The following RAB3IP variants were observed in gnomAD, a reference collection of about 807,000 sequenced individuals.
RAB3IP encodes the protein RAB3A interacting protein, also known as rab-3A-interacting protein.
A neutral mutation model predicts 59.1 loss-of-function variants in RAB3IP; 36 were observed. The observed-to-expected ratio is 0.61, with a 90% CI of 0.47 to 0.80. The LOEUF (loss-of-function observed/expected upper bound fraction) is 0.80, where lower values mean the gene tolerates loss of function less well. Ranked by LOEUF, RAB3IP falls within the 30% of genes least tolerant of loss-of-function variation. The pLI is 0.00. For missense variants in RAB3IP, 511 were observed against 536.0 expected, an observed-to-expected ratio of 0.95 and a Z score of 0.46; for synonymous variants, 207 against 191.2, an observed-to-expected ratio of 1.08 and a Z score of -0.68.
chr12:69,779,382 G>A (rs1363353402), intron 3 of RAB3IP, among the ~76,000 whole-genome samples: 1 of 151,286 alleles, frequency 6.6e-6, no homozygotes, highest in Non-Finnish European at 1.5e-5. Flanking sequence ...CTTCTGCGTC[G>A]CTCACGCTGG....
At chr12:69,749,336 T>A (rs988347212) in intron 1 of RAB3IP, among the ~76,000 whole-genome samples, 7 of 152,222 alleles carry the variant, frequency 4.6e-5, no homozygotes, top group Admixed American at 1.3e-4. Flanking sequence ...AACAGTTTCA[T>A]CCCGAAACCA....
intron 8 of RAB3IP, among the ~76,000 whole-genome samples, chr12:69,803,563 T>A (rs542134166): frequency 1.7e-3 from 257 of 152,162 alleles, no homozygotes; most frequent in African/African-American, 6.1e-3. Flanking sequence ...TTGTTACATA[T>A]GTATACATGG....
chr12:69,784,274 A>G (rs1027046164), intron 3 of RAB3IP, among the ~76,000 whole-genome samples: 16 of 152,132 alleles, frequency 1.1e-4, no homozygotes, highest in African/African-American at 3.6e-4. Context: ...TAGTTGCAGT[A>G]TGGTACATGA....
chr12:69,742,772 C>G (rs1239312251), intron 1 of RAB3IP, among the ~76,000 whole-genome samples: 1 of 152,202 alleles, frequency 6.6e-6, no homozygotes, highest in Non-Finnish European at 1.5e-5. Context: ...CTTGCTATCT[C>G]TATTTTCCCT....
intron 3 of RAB3IP, among the ~76,000 whole-genome samples, chr12:69,783,499 C>T (rs1324257262): frequency 6.6e-6 from 1 of 152,132 alleles, no homozygotes; most frequent in Non-Finnish European, 1.5e-5. Context: ...TAGGGTGAGA[C>T]TCCGTCCTTC....
intron 1 of RAB3IP, among the ~76,000 whole-genome samples, chr12:69,747,785 G>C (rs1382754532): frequency 3.9e-5 from 6 of 152,102 alleles, no homozygotes; most frequent in African/African-American, 1.4e-4. Context: ...TATCTACCAG[G>C]ATTATTTGAT....
chr12:69,749,101 A>G (rs1012718417), intron 1 of RAB3IP, among the ~76,000 whole-genome samples: 3 of 152,228 alleles, frequency 2.0e-5, no homozygotes, highest in African/African-American at 7.2e-5. Flanking sequence ...CTGTGGACCT[A>G]AAGTGGTCTG....
chr12:69,751,278 A>G (rs963906206), intron 1 of RAB3IP, among the ~76,000 whole-genome samples: 2 of 152,158 alleles, frequency 1.3e-5, no homozygotes, highest in African/African-American at 2.4e-5. Context: ...ATATCAGTCC[A>G]GTAGTTTTTG....
intron 10 of RAB3IP, among the ~76,000 whole-genome samples, chr12:69,814,173 A>G (rs1880847600): frequency 6.6e-6 from 1 of 152,192 alleles, no homozygotes; most frequent in Non-Finnish European, 1.5e-5. Context: ...AATTTATGTT[A>G]AGTATAATTG....
intron 8 of RAB3IP, among the ~76,000 whole-genome samples, chr12:69,806,829 G>T (rs530042925): frequency 6.6e-6 from 1 of 152,134 alleles, no homozygotes; most frequent in South Asian, 2.1e-4. Context: ...AGCACATCTT[G>T]CACTGCCCTT....
At chr12:69,801,786 A>AG in intron 8 of RAB3IP, 65 bp downstream of exon 8, 1 of 1,021,068 alleles carries the variant, frequency 9.8e-7, no homozygotes, top group Non-Finnish European at 1.5e-6. Flanking sequence ...GGTTGCAGTT[A>AG]TTTAGTTTTT....
intron 4 of RAB3IP, among the ~76,000 whole-genome samples, chr12:69,793,549 A>G (rs1209875299): frequency 6.6e-6 from 1 of 152,158 alleles, no homozygotes; most frequent in African/African-American, 2.4e-5. Flanking sequence ...AGCACCCTAT[A>G]TATGCTTCCA....
intron 3 of RAB3IP, among the ~76,000 whole-genome samples, chr12:69,762,841 T>C (rs1871577124): frequency 6.6e-6 from 1 of 150,550 alleles, no homozygotes; most frequent in Non-Finnish European, 1.5e-5. Flanking sequence ...TAAAGCCCAG[T>C]AGGATAGCTT....
chr12:69,780,634 G>C (rs150726905), intron 3 of RAB3IP, among the ~76,000 whole-genome samples: 1 of 152,272 alleles, frequency 6.6e-6, no homozygotes, highest in African/African-American at 2.4e-5. Flanking sequence ...GTGGGATATG[G>C]GTAAATCTTC....
In RAB3IP at chr12:69,806,909, T is replaced by TTAA. The variant is rs1437273235; in HGVS notation, c.1130+5189_1130+5191dup. Among the ~76,000 whole-genome samples the TTAA allele has an allele frequency of 3.9e-5, 6 of 152,254 alleles. No individual in the cohort carries two copies. The East Asian group carries it at 1.2e-3, about 29-fold the overall frequency. On this transcript the variant is annotated intron_variant, in intron 8 of 10. Coordinates refer to ENST00000247833, the MANE Select transcript of RAB3IP (RefSeq NM_022456.5). ...ACGGGGTTGGGGGTAAGGTTATAGA[T>TTAA]TAACAGCATCCCAAGGCAGAAGAAT... is the stretch of plus-strand genomic sequence containing the variant.
chr12:69,739,969 A>G (rs778218680), intron 1 of RAB3IP: 20 of 1,132,758 alleles, frequency 1.8e-5, no homozygotes, highest in Non-Finnish European at 2.5e-5. Flanking sequence ...GCTACCTGTT[A>G]TACACTCTCC....
At chr12:69,810,450 G>A (rs1281397422) in intron 8 of RAB3IP, among the ~76,000 whole-genome samples, 3 of 152,154 alleles carry the variant, frequency 2.0e-5, no homozygotes, top group Non-Finnish European at 2.9e-5. Flanking sequence ...GAAATCACCC[G>A]TCTTCTGTGT....
intron 6 of RAB3IP, among the ~76,000 whole-genome samples, chr12:69,799,626 A>T (rs535163260): frequency 1.5e-3 from 227 of 152,120 alleles, no homozygotes; most frequent in Non-Finnish European, 2.3e-3. Context: ...CTTTTTTTTT[A>T]ATCCTGTTGG....
intron 1 of RAB3IP, among the ~76,000 whole-genome samples, chr12:69,742,275 A>G (rs1380192740): frequency 6.6e-6 from 1 of 152,210 alleles, no homozygotes; most frequent in Non-Finnish European, 1.5e-5. Flanking sequence ...TCTGATTAAG[A>G]TGCAGTTCAT....
Sources: gnomAD v4.1 joint callset for allele counts (sites outside exome capture counted in the v4.1 genomes callset) on GRCh38, gnomAD v4.1.1 for gene constraint, MANE v1.5 for transcripts, NCBI Gene and HGNC (gene_info 2026-07-23, HGNC 2026-07-21) for gene names.